RELL1: variants seen among roughly 807,000 people sequenced by gnomAD.
RELL1 encodes the protein RELT like 1.
RELL1 carries 10 observed loss-of-function variants against 23.0 expected under a neutral mutation model. The observed-to-expected ratio is 0.43, with a 90% CI of 0.27 to 0.74. The LOEUF is 0.74. Among genes scored for constraint, RELL1 ranks in the 30% least tolerant of loss-of-function variants. The pLI is 0.19. For synonymous variants in RELL1, 146 were observed against 146.8 expected (o/e 0.99, Z 0.04); for missense variants, 315 against 364.4 (o/e 0.86, Z 1.10).
At chr4:37,660,499 A>G (rs940367051) in intron 1 of RELL1, among the ~76,000 whole-genome samples, 1 of 152,170 alleles carries the variant, frequency 6.6e-6, no homozygotes, top group Admixed American at 6.5e-5. Flanking sequence ...TGACAAATTC[A>G]TCTGGTAGCA....
intron 1 of RELL1, among the ~76,000 whole-genome samples, chr4:37,682,371 T>C (rs746361646): frequency 3.9e-5 from 6 of 152,262 alleles, no homozygotes; most frequent in Admixed American, 6.5e-5. Flanking sequence ...CTCAACCTAA[T>C]AGTTTATACC....
chr4:37,647,496 A>T, intron 2 of RELL1, 57 bp from the exon 3 acceptor site: 2 of 1,213,414 alleles, frequency 1.6e-6, no homozygotes, highest in African/African-American at 1.5e-5. Flanking sequence ...GCATCAAGTC[A>T]ATCAATCTTA....
chr4:37,669,350 G>C (rs553356825), intron 1 of RELL1, among the ~76,000 whole-genome samples: 2 of 148,388 alleles, frequency 1.3e-5, no homozygotes, highest in Admixed American at 1.3e-4. Flanking sequence ...GCTCCCTCCG[G>C]GAGGGAGGTG....
At chr4:37,609,521 T>C (rs776486842), downstream of RELL1, among the ~76,000 whole-genome samples, 2 of 152,232 alleles carry the variant, frequency 1.3e-5, no homozygotes, top group Non-Finnish European at 2.9e-5. Context: ...AGGCATTTCA[T>C]AAGGCTACAG....
chr4:37,649,264 C>T lies in RELL1; in HGVS notation c.313+12G>A, dbSNP rs1158273808. Reference sequence around the variant, plus strand: ...CTCCTCACCCCCAATAAAAAGAGCCCTGGTTATTTACCTATCTTTTCAACC... The same window carrying T: ...CTCCTCACCCCCAATAAAAAGAGCCTTGGTTATTTACCTATCTTTTCAACC... On this transcript the variant is annotated intron_variant, in intron 2 of 6. Transcript: ENST00000454158. The T allele has an allele frequency of 6.2e-7, 1 of 1,604,482 alleles. No homozygotes were observed.
At chr4:37,637,929 A>G (rs896891881) in intron 4 of RELL1, among the ~76,000 whole-genome samples, 19 of 152,196 alleles carry the variant, frequency 1.2e-4, no homozygotes, top group African/African-American at 4.3e-4. Flanking sequence ...GGTACTCTGT[A>G]TTCCTTATAA....
chr4:37,592,627 C>G (rs975984929), intron 6 of RELL1, among the ~76,000 whole-genome samples: 1 of 152,168 alleles, frequency 6.6e-6, no homozygotes, highest in African/African-American at 2.4e-5. Context: ...ATGGAAGATG[C>G]TTTAGTTTGG....
At chr4:37,621,926 A>G (rs1481589077) in intron 6 of RELL1, among the ~76,000 whole-genome samples, 2 of 152,260 alleles carry the variant, frequency 1.3e-5, no homozygotes, top group African/African-American at 2.4e-5. Flanking sequence ...AGGCCATGGA[A>G]GAATAACTTA....
chr4:37,645,809 G>T (rs1229561507), intron 3 of RELL1, among the ~76,000 whole-genome samples: 4 of 152,192 alleles, frequency 2.6e-5, no homozygotes, highest in Non-Finnish European at 5.9e-5. Context: ...AAAGCATAAA[G>T]CACATTCTAA....
chr4:37,652,509 G>A (rs1026235450), intron 1 of RELL1, among the ~76,000 whole-genome samples: 6 of 152,060 alleles, frequency 3.9e-5, no homozygotes, highest in Admixed American at 1.3e-4. Context: ...CATATTCCAC[G>A]CAACAAGAAT....
chr4:37,664,335 T>C (rs1383971055), intron 1 of RELL1, among the ~76,000 whole-genome samples: 1 of 150,076 alleles, frequency 6.7e-6, no homozygotes, highest in African/African-American at 2.5e-5. Context: ...TGCAGTGAGC[T>C]GAGATCCCAT....
intron 1 of RELL1, among the ~76,000 whole-genome samples, chr4:37,670,524 C>T (rs1009995228): frequency 6.6e-6 from 1 of 151,846 alleles, no homozygotes; most frequent in African/African-American, 2.4e-5. Flanking sequence ...ACAATGTAAA[C>T]ACATAAATAG....
chr4:37,678,921 G>A (rs1722112279), intron 1 of RELL1, among the ~76,000 whole-genome samples: 1 of 152,200 alleles, frequency 6.6e-6, no homozygotes, highest in Non-Finnish European at 1.5e-5. Context: ...AGGAGGATCA[G>A]GTAGGGCTGG....
At chr4:37,683,816 T>A (rs530012372) in intron 1 of RELL1, among the ~76,000 whole-genome samples, 13 of 151,922 alleles carry the variant, frequency 8.6e-5, no homozygotes, top group Non-Finnish European at 1.9e-4. Context: ...GCGCGGTGGC[T>A]CACGCCTGTA....
intron 6 of RELL1, among the ~76,000 whole-genome samples, chr4:37,619,847 A>G (rs1719710737): frequency 1.3e-5 from 2 of 152,238 alleles, no homozygotes; most frequent in Non-Finnish European, 2.9e-5. Flanking sequence ...CTGGGATTAC[A>G]GGTGTGAGCT....
chr4:37,671,691 T>C (rs959352385), intron 1 of RELL1, among the ~76,000 whole-genome samples: 11 of 152,034 alleles, frequency 7.2e-5, no homozygotes, highest in African/African-American at 2.7e-4. Context: ...AATCAAGAAG[T>C]AACCATAAAA....
chr4:37,672,699 T>A (rs1158945179), intron 1 of RELL1, among the ~76,000 whole-genome samples: 1 of 144,808 alleles, frequency 6.9e-6, no homozygotes, highest in African/African-American at 2.6e-5. Context: ...AGGCATTGGA[T>A]GTATACTGAA....
At chr4:37,684,403 T>G (rs1048838951) in intron 1 of RELL1, among the ~76,000 whole-genome samples, 1 of 151,890 alleles carries the variant, frequency 6.6e-6, no homozygotes, top group Non-Finnish European at 1.5e-5. Context: ...TCAGTCACAT[T>G]CTAGTCCTGA....
chr4:37,610,305 T>C (rs1251850724), downstream of RELL1, among the ~76,000 whole-genome samples: 2 of 152,212 alleles, frequency 1.3e-5, no homozygotes, highest in African/African-American at 2.4e-5. This position sits in a 1 kb window ranked among gnomAD's most constrained non-coding sequence, Gnocchi z 4.1. Context: ...TTATTGCATA[T>C]ACTTAATAGA....
Sources: gnomAD v4.1 joint callset for allele counts (sites outside exome capture counted in the v4.1 genomes callset) on GRCh38, gnomAD v4.1.1 for gene constraint, Gnocchi (gnomAD v3.1) non-coding constraint, MANE v1.5 for transcripts, NCBI Gene and HGNC (gene_info 2026-07-23, HGNC 2026-07-21) for gene names.